Variants in CHD6 observed in about 807,000 individuals in gnomAD.
CHD6 encodes chromodomain helicase DNA binding protein 6.
A neutral mutation model predicts 276.9 loss-of-function variants in CHD6; 50 were observed. The observed-to-expected ratio is 0.18, with a 90% CI of 0.14 to 0.23. The LOEUF is 0.23. Among genes scored for constraint, CHD6 ranks in the 10% least tolerant of loss-of-function variants. CHD6 has a pLI of 1.00. For synonymous variants in CHD6, 1,173 were observed against 1,229.3 expected, an observed-to-expected ratio of 0.95 and a Z score of 0.96; for missense variants, 2,564 against 3,365.8, an observed-to-expected ratio of 0.76 and a Z score of 5.89.
chr20:41,615,059 G>C (rs547111908), intron 1 of CHD6, among the ~76,000 whole-genome samples: 14 of 152,104 alleles, frequency 9.2e-5, no homozygotes, highest in Non-Finnish European at 5.9e-5. Context: ...ACAACAGTAC[G>C]CTTGAGCTTT....
In CHD6 at chr20:41,524,445, A is replaced by C. The variant is rs551790623; in HGVS notation, c.554+8605T>G. Among the ~76,000 whole-genome samples, 4 of 152,368 alleles carry C rather than the reference A, an allele frequency of 2.6e-5. No homozygotes were observed. The East Asian group carries it at 7.7e-4, about 29-fold the overall frequency. ...GGTTTGTGATATTGTCCTAGTAAAAAGGAAACAAAAAGATTACTTCCTCTT... is the reference window on the plus strand; with the variant it reads ...GGTTTGTGATATTGTCCTAGTAAAACGGAAACAAAAAGATTACTTCCTCTT... On this transcript the variant is annotated intron_variant, in intron 3 of 36. Transcript: ENST00000373233.
intron 3 of CHD6, among the ~76,000 whole-genome samples, chr20:41,529,527 GA>G (rs1026734331): frequency 6.6e-6 from 1 of 152,056 alleles, no homozygotes; most frequent in Non-Finnish European, 1.5e-5. Flanking sequence ...CTGGTTTGGG[GA>G]AACTCTGATA....
intron 3 of CHD6, among the ~76,000 whole-genome samples, chr20:41,515,674 A>C (rs934238134): frequency 6.6e-6 from 1 of 152,244 alleles, no homozygotes; most frequent in East Asian, 1.9e-4. Context: ...TAACTACAAT[A>C]TGAGGCTCAG....
intron 16 of CHD6, among the ~76,000 whole-genome samples, chr20:41,476,715 A>G (rs977115671): frequency 6.6e-6 from 1 of 152,168 alleles, no homozygotes; most frequent in African/African-American, 2.4e-5. Flanking sequence ...CTGAGACAAT[A>G]GTGTATATGA....
chr20:41,465,653 T>C (rs2145740387), intron 17 of CHD6, among the ~76,000 whole-genome samples: 1 of 152,354 alleles, frequency 6.6e-6, no homozygotes, highest in African/African-American at 2.4e-5. Flanking sequence ...ATCATATCAA[T>C]GTTGCTTTCT....
intron 2 of CHD6, among the ~76,000 whole-genome samples, chr20:41,550,460 G>A (rs2045127924): frequency 6.6e-6 from 1 of 152,138 alleles, no homozygotes; most frequent in African/African-American, 2.4e-5. Flanking sequence ...CAGACCAGGG[G>A]GTAGTCCTTG....
chr20:41,491,424 T>C (rs1204038200), intron 11 of CHD6, among the ~76,000 whole-genome samples: 2 of 151,622 alleles, frequency 1.3e-5, no homozygotes, highest in African/African-American at 4.8e-5. Flanking sequence ...ATTCTGGATT[T>C]TGTTTCATCT....
At chr20:41,522,228 C>A (rs1045661591) in intron 3 of CHD6, among the ~76,000 whole-genome samples, 2 of 152,028 alleles carry the variant, frequency 1.3e-5, no homozygotes, top group African/African-American at 4.8e-5. Context: ...TGCCTGTAGT[C>A]CCAGGTACTT....
chr20:41,415,530 C>G lies in CHD6; in HGVS notation c.6595G>C (p.Ala2199Pro), dbSNP rs2046968667. 2 of 1,614,036 alleles carry G rather than the reference C, an allele frequency of 1.2e-6. No individual in the cohort carries two copies. Among genetic ancestry groups the G allele is most frequent in the Admixed American group, 1.7e-5 (1 of 59,998 alleles). ...AKARGLEQFSATHGHTPIILN... is the reference protein window; with the variant it reads ...AKARGLEQFSPTHGHTPIILN... ...ATGATAGGGGTGTGCCCGTGGGTGG[C>G]AGAGAACTGCTCCAGGCCCCGAGCC... Residue 2199 changes from alanine (A) to proline (P), a missense_variant, in exon 34 of 37, where the codon GCC becomes CCC. Ala to Pro is a conservative substitution (Grantham distance 27, BLOSUM62 -1). Around this residue, in one of 7 missense-constraint regions of CHD6, gnomAD observed 1,024 missense variants for 1,047.9 expected, o/e 0.98. Transcript: ENST00000373233.
At chr20:41,496,287 T>C (rs2043683800) in intron 8 of CHD6, among the ~76,000 whole-genome samples, 1 of 152,218 alleles carries the variant, frequency 6.6e-6, no homozygotes, top group South Asian at 2.1e-4. Context: ...AAGAACAATG[T>C]AGGATATTAC....
intron 1 of CHD6, among the ~76,000 whole-genome samples, chr20:41,575,111 C>T (rs1001928329): frequency 1.3e-5 from 2 of 152,164 alleles, no homozygotes; most frequent in African/African-American, 2.4e-5. Context: ...ATTTACATAG[C>T]GTGTACATCA....
intron 1 of CHD6, among the ~76,000 whole-genome samples, chr20:41,591,375 TATATACACAC>T (rs1352335239): frequency 8.3e-6 from 1 of 121,064 alleles, no homozygotes; most frequent in African/African-American, 4.1e-5. Flanking sequence ...CATATATATA[TATATACACAC>T]ACACACACAC....
At chr20:41,447,560 T>A (rs2048107962) in intron 24 of CHD6, among the ~76,000 whole-genome samples, 1 of 152,198 alleles carries the variant, frequency 6.6e-6, no homozygotes, top group African/African-American at 2.4e-5. Context: ...AGTCTATACA[T>A]GTCAGATCAG....
rs557906147 is a variant in CHD6, at chr20:41,417,152, T to C, written c.6279+46A>G. 1.9e-6 allele frequency: 3 copies of C among 1,554,890 alleles called. No individual in the cohort carries two copies. In the Admixed American group the frequency reaches 6.1e-5, roughly 32 times the overall value. On this transcript the variant is annotated intron_variant, in intron 32 of 36. Transcript: ENST00000373233. ...AGGGTTAAAAAAAGCAATTCAAAGC[T>C]GGGAATGGTTTGGGGGTAGGGTGGG...
chr20:41,406,783 CA>C (rs2046690397), intron 36 of CHD6, among the ~76,000 whole-genome samples: 1 of 152,220 alleles, frequency 6.6e-6, no homozygotes, highest in Non-Finnish European at 1.5e-5. Flanking sequence ...TCACTGCTAT[CA>C]GCTAGTTTAT....
intron 17 of CHD6, among the ~76,000 whole-genome samples, chr20:41,458,146 C>G (rs1373233664): frequency 6.6e-6 from 1 of 152,150 alleles, no homozygotes; most frequent in Admixed American, 6.5e-5. Flanking sequence ...TGAATGTACA[C>G]CAAGAGGCAG....
At chr20:41,562,994 T>C (rs2045318172) in intron 1 of CHD6, among the ~76,000 whole-genome samples, 1 of 152,244 alleles carries the variant, frequency 6.6e-6, no homozygotes, top group Admixed American at 6.5e-5. Flanking sequence ...GGAAGCTCTG[T>C]GCTTGGCCGG....
In CHD6 at chr20:41,426,117, C is replaced by T. The variant is rs1485547367; in HGVS notation, c.4105G>A (p.Glu1369Lys). ...SSDGGDGVFS[E>K]KKDDSRAAQD... Reference sequence around the variant, plus strand: ...CCTGCCCGGCTGTCATCCTTCTTTTCGCTAAAAACGCCATCACCTCCATCA... The same window carrying T: ...CCTGCCCGGCTGTCATCCTTCTTTTTGCTAAAAACGCCATCACCTCCATCA... The change falls in exon 28 of 37, where the codon GAA (glutamate) becomes AAA (lysine). Residue 1369 changes from glutamate (E) to lysine (K), a missense_variant. By Grantham distance (56) the Glu-to-Lys change is moderately conservative (BLOSUM62 1). Coordinates refer to ENST00000373233, the MANE Select transcript of CHD6 (RefSeq NM_032221.5). 2.1e-5 allele frequency: 34 copies of T among 1,613,364 alleles called. No homozygotes were observed. Among genetic ancestry groups the T allele is most frequent in the Non-Finnish European group, 2.7e-5 (32 of 1,179,414 alleles).
At chr20:41,598,658 T>C (rs2045743419) in intron 1 of CHD6, among the ~76,000 whole-genome samples, 2 of 152,202 alleles carry the variant, frequency 1.3e-5, no homozygotes, top group Admixed American at 6.5e-5. Flanking sequence ...CCAAGGGCCA[T>C]CTGTCCTCCA....
Sources: gnomAD v4.1 joint callset for allele counts (sites outside exome capture counted in the v4.1 genomes callset) on GRCh38, gnomAD v4.1.1 for gene constraint, gnomAD v4.1.1 regional missense constraint, MANE v1.5 for transcripts, NCBI Gene and HGNC (gene_info 2026-07-23, HGNC 2026-07-21) for gene names.